The following THSD4 variants were observed in gnomAD, a reference collection of about 807,000 sequenced individuals.
THSD4 encodes thrombospondin type 1 domain containing 4.
In THSD4, 69 loss-of-function variants were observed where a neutral mutation model predicts 119.0. The observed-to-expected ratio is 0.58, with a 90% CI of 0.48 to 0.71. The LOEUF (loss-of-function observed/expected upper bound fraction) is 0.71. Ranked by LOEUF, THSD4 falls within the 30% of genes least tolerant of loss-of-function variation. The pLI, the probability that THSD4 is intolerant of heterozygous loss-of-function variation, is 0.00. For missense variants in THSD4, 1,393 were observed against 1,391.1 expected (o/e 1.00, Z -0.02); for synonymous variants, 524 against 540.4 (o/e 0.97, Z 0.42).
intron 6 of THSD4, among the ~76,000 whole-genome samples, chr15:71,279,006 G>A (rs7174934): frequency 0.44 from 67,146 of 151,974 alleles, 15,462 homozygotes; most frequent in East Asian, 0.71. Context: ...GATTTTAAAC[G>A]GAGCAGCCTA....
At chr15:71,466,174 C>T (rs565709995) in intron 7 of THSD4, among the ~76,000 whole-genome samples, 1 of 151,880 alleles carries the variant, frequency 6.6e-6, no homozygotes, top group East Asian at 1.9e-4. Flanking sequence ...ATGGTGAAAC[C>T]CTGTCTCTAC....
rs544934208 is a variant in THSD4, at chr15:71,401,034, G to A, written c.1016-10653G>A. Among the ~76,000 whole-genome samples the A allele has an allele frequency of 2.0e-5, 3 of 152,230 alleles. No homozygotes were observed. The East Asian group carries it at 5.8e-4, about 29-fold the overall frequency. ...CACTGAAATGACAGTGGGAGAATGT[G>A]CAATTGTGGGAAAAGCTTGAACCTC... On this transcript the variant is annotated intron_variant, in intron 6 of 17. Transcript: ENST00000261862.
chr15:71,337,714 C>T (rs2045506495), intron 6 of THSD4, among the ~76,000 whole-genome samples: 1 of 132,764 alleles, frequency 7.5e-6, no homozygotes, highest in South Asian at 2.7e-4. Flanking sequence ...GAGGCTCTGC[C>T]TGAACACTTG....
intron 6 of THSD4, among the ~76,000 whole-genome samples, chr15:71,406,490 A>T (rs909284928): frequency 1.3e-5 from 2 of 152,210 alleles, no homozygotes; most frequent in Non-Finnish European, 2.9e-5. Context: ...TGCTGTAGAT[A>T]TCTAAGACTA....
intron 6 of THSD4, among the ~76,000 whole-genome samples, chr15:71,260,839 G>A (rs947341357): frequency 3.3e-5 from 5 of 152,160 alleles, no homozygotes; most frequent in East Asian, 1.9e-4. Flanking sequence ...GGTGGCTCAC[G>A]CCTGTAATCC....
intron 10 of THSD4, among the ~76,000 whole-genome samples, chr15:71,736,118 T>C (rs1300386970): frequency 7.3e-6 from 1 of 136,396 alleles, no homozygotes; most frequent in Non-Finnish European, 1.6e-5. Context: ...TCTCTGTTGC[T>C]GTCTCTGTCT....
At chr15:71,174,681 G>A (rs890415977) in intron 3 of THSD4, among the ~76,000 whole-genome samples, 1 of 137,920 alleles carries the variant, frequency 7.3e-6, no homozygotes, top group Non-Finnish European at 1.6e-5. Flanking sequence ...CACCTCTGGG[G>A]GCAGGGCACA....
At chr15:71,370,485 T>G (rs2046029327) in intron 6 of THSD4, among the ~76,000 whole-genome samples, 1 of 152,188 alleles carries the variant, frequency 6.6e-6, no homozygotes, top group East Asian at 1.9e-4. Context: ...CGTTGTGTCT[T>G]TGTTCTCATT....
At chr15:71,657,027 A>G (rs979197188) in intron 7 of THSD4, among the ~76,000 whole-genome samples, 1 of 152,172 alleles carries the variant, frequency 6.6e-6, no homozygotes, top group Non-Finnish European at 1.5e-5. Context: ...GGATATTGCA[A>G]CATCCTCCAG....
Position 71,215,079 on chromosome 15 carries a change from C to T in THSD4, c.144C>T (p.Gly48=). ...MAAEGAPEDD[G]GGGAPGVWGA... ...CGGAGGGCGCCCCCGAGGACGACGGCGGCGGCGGCGCCCCGGGAGTGTGGG... is the reference window on the plus strand; with the variant it reads ...CGGAGGGCGCCCCCGAGGACGACGGTGGCGGCGGCGCCCCGGGAGTGTGGG... The change falls in exon 4 of 18, where the codon GGC becomes GGT. Residue 48 remains glycine (G), a synonymous_variant. Coordinates refer to ENST00000261862, the MANE Select transcript of THSD4 (RefSeq NM_024817.3). 1 of 1,301,610 alleles carries T rather than the reference C, an allele frequency of 7.7e-7. No homozygotes were observed. The highest frequency in any genetic ancestry group is 2.5e-5 in the South Asian group (1 of 40,022). 80.6% of individuals were successfully genotyped at this position (1,301,610 alleles called of 1,614,324 possible).
At chr15:71,577,874 T>C (rs1214801004) in intron 7 of THSD4, among the ~76,000 whole-genome samples, 1 of 151,316 alleles carries the variant, frequency 6.6e-6, no homozygotes, top group East Asian at 1.9e-4. Context: ...GCGCCCACCA[T>C]GCCTGGCTAA....
Position 71,752,594 on chromosome 15 carries a change from A to C in THSD4, c.2415+4000A>C, listed in dbSNP as rs542054209. Among the ~76,000 whole-genome samples, 7 of 152,368 alleles carry C rather than the reference A, an allele frequency of 4.6e-5. No homozygotes were observed. The South Asian group carries it at 1.0e-3, about 23-fold the overall frequency. ...GAGTACTATTGGGTTTAAGAAACGC[A>C]CATTGGCTTTGGTATCATCTCCATG... On this transcript the variant is annotated intron_variant, in intron 14 of 17. Coordinates refer to ENST00000261862, the MANE Select transcript of THSD4 (RefSeq NM_024817.3).
chr15:71,341,571 G>A (rs367551948), intron 6 of THSD4: 6 of 1,607,686 alleles, frequency 3.7e-6, no homozygotes, highest in Non-Finnish European at 5.1e-6. Context: ...ACATCTTTCA[G>A]ATACTTCGTG....
chr15:71,218,666 T>A (rs531388658), intron 4 of THSD4, among the ~76,000 whole-genome samples: 54 of 152,346 alleles, frequency 3.5e-4, no homozygotes, highest in African/African-American at 1.2e-3. Flanking sequence ...AAATCACATT[T>A]GCTTATATTC....
chr15:71,662,421 A>G (rs2051328725), intron 8 of THSD4, among the ~76,000 whole-genome samples: 1 of 152,182 alleles, frequency 6.6e-6, no homozygotes, highest in African/African-American at 2.4e-5. Flanking sequence ...ATACTGAAAA[A>G]TAGTGTTTGT....
At chr15:71,488,608 T>C (rs189711870) in intron 7 of THSD4, among the ~76,000 whole-genome samples, 66 of 152,288 alleles carry the variant, frequency 4.3e-4, no homozygotes, top group African/African-American at 1.6e-3. Context: ...TTAGATTTTC[T>C]CTTTCTTCTG....
chr15:71,660,288 C>T (rs2140995408), intron 7 of THSD4, among the ~76,000 whole-genome samples: 1 of 152,296 alleles, frequency 6.6e-6, no homozygotes, highest in East Asian at 1.9e-4. Flanking sequence ...AAATTTCTAG[C>T]ACCCTACATC....
At chr15:71,563,415 TATC>T (rs1246934698) in intron 7 of THSD4, among the ~76,000 whole-genome samples, 2 of 152,108 alleles carry the variant, frequency 1.3e-5, no homozygotes, top group African/African-American at 4.8e-5. Flanking sequence ...AAATCACAAA[TATC>T]ATTGAAAACA....
chr15:71,677,050 C>A (rs2051666711), intron 8 of THSD4, among the ~76,000 whole-genome samples: 1 of 152,218 alleles, frequency 6.6e-6, no homozygotes, highest in Admixed American at 6.5e-5. Context: ...GCAACTGCCC[C>A]ATTTTATCTT....
Sources: gnomAD v4.1 joint callset for allele counts (sites outside exome capture counted in the v4.1 genomes callset) on GRCh38, gnomAD v4.1.1 for gene constraint, MANE v1.5 for transcripts, NCBI Gene and HGNC (gene_info 2026-07-23, HGNC 2026-07-21) for gene names.